SLC12A7: variants seen among roughly 807,000 people sequenced by gnomAD.
SLC12A7 encodes K-Cl cotransporter 4.
Under a neutral mutation model 120.6 loss-of-function variants are expected in SLC12A7, and 100 were observed. The observed-to-expected ratio is 0.83, with a 90% CI of 0.71 to 0.98. SLC12A7 has a LOEUF of 0.98. Ranked by LOEUF, SLC12A7 falls within the 50% of genes least tolerant of loss-of-function variation. The pLI, the probability that SLC12A7 is intolerant of heterozygous loss-of-function variation, is 0.00. For synonymous variants in SLC12A7, 760 were observed against 678.0 expected, an observed-to-expected ratio of 1.12 and a Z score of -1.88; for missense variants, 1,373 against 1,548.1, an observed-to-expected ratio of 0.89 and a Z score of 1.90.
At chr5:1,113,724 A>G (rs568114013), upstream of SLC12A7, among the ~76,000 whole-genome samples, 1 of 152,264 alleles carries the variant, frequency 6.6e-6, no homozygotes, top group Admixed American at 6.5e-5. Flanking sequence ...CATCCTTATG[A>G]GGAGGGCTGG....
rs540353749 is a variant in SLC12A7, at chr5:1,062,246, CT to C, written c.2739+1597del. Among the ~76,000 whole-genome samples the C allele has an allele frequency of 2.9e-3, 447 of 152,352 alleles. 2 individuals carry two copies. The highest frequency in any genetic ancestry group is 9.7e-3 in the African/African-American group (404 of 41,578). ...CCCAGTGGCCGCCCCACCTGGCCCC[CT>C]GGCAGGGCTGGTTCTCCCAGGCAGC... On this transcript the variant is annotated intron_variant, in intron 20 of 23. Coordinates refer to ENST00000264930, the MANE Select transcript of SLC12A7 (RefSeq NM_006598.3).
chr5:1,136,541 T>C, the SLC12A7 span, among the ~76,000 whole-genome samples: 179 of 111,812 alleles, frequency 1.6e-3, 12 homozygotes, highest in African/African-American at 6.7e-3. Context: ...CAGGCACACG[T>C]GTGCTCAGAC....
chr5:1,057,226 G>A (rs991438200), intron 22 of SLC12A7: 2 of 480,260 alleles, frequency 4.2e-6, no homozygotes, highest in African/African-American at 4.0e-5. Flanking sequence ...GTCTTACAAG[G>A]ACTCCCGGCC....
At chr5:1,143,377 C>G in the SLC12A7 span, among the ~76,000 whole-genome samples, 1 of 152,218 alleles carries the variant, frequency 6.6e-6, no homozygotes, top group Non-Finnish European at 1.5e-5. Flanking sequence ...TGGGCGGTTT[C>G]TCCCAAGGCC....
intron 2 of SLC12A7, 151 bp from the exon 3 acceptor site, chr5:1,093,806 G>A: frequency 8.0e-7 from 1 of 1,248,648 alleles, no homozygotes; most frequent in South Asian, 1.5e-5. Context: ...ACACCTGTGT[G>A]GCAGGTCTGA....
Position 1,107,405 on chromosome 5 carries a change from C to T in SLC12A7, c.124+4463G>A, listed in dbSNP as rs564238243. 2.8e-4 allele frequency among the ~76,000 whole-genome samples: 43 copies of T among 152,328 alleles called. 1 individual carries two copies. The South Asian group carries it at 8.1e-3, about 29-fold the overall frequency. On this transcript the variant is annotated intron_variant, in intron 1 of 23. Coordinates refer to ENST00000264930, the MANE Select transcript of SLC12A7 (RefSeq NM_006598.3). The stretch of plus-strand genomic sequence containing the variant: ...GGGAGCTGTGTAGGACGTGGCCCCA[C>T]GTCCAAAGGGCAGAGGCCCTGACAG...
chr5:1,124,583 G>C, the SLC12A7 span, among the ~76,000 whole-genome samples: 19 of 152,214 alleles, frequency 1.2e-4, no homozygotes, highest in African/African-American at 4.1e-4. Context: ...AGAGCTCAGA[G>C]AACACGGACT....
chr5:1,153,567 G>A, the SLC12A7 span, among the ~76,000 whole-genome samples: 4 of 152,304 alleles, frequency 2.6e-5, no homozygotes, highest in African/African-American at 9.6e-5. Flanking sequence ...CCATGCCTGG[G>A]GTGCTGGCCC....
chr5:1,057,200 A>G (rs1735712124), intron 22 of SLC12A7: 1 of 445,808 alleles, frequency 2.2e-6, no homozygotes, highest in Admixed American at 4.0e-5. Flanking sequence ...AGGACCCCTC[A>G]GCACTTGGCA....
At chr5:1,097,180 C>T (rs1017977805) in intron 1 of SLC12A7, among the ~76,000 whole-genome samples, 3 of 152,192 alleles carry the variant, frequency 2.0e-5, no homozygotes, top group Non-Finnish European at 2.9e-5. Context: ...ACTATGTCTG[C>T]GTTCAGCAAG....
intron 10 of SLC12A7, among the ~76,000 whole-genome samples, chr5:1,079,122 G>A (rs780094645): frequency 6.6e-5 from 10 of 152,156 alleles, no homozygotes; most frequent in East Asian, 3.9e-4. Context: ...CCAGCCTGCC[G>A]GCGGCACACC....
upstream of SLC12A7, among the ~76,000 whole-genome samples, chr5:1,116,500 C>T (rs376015149): frequency 4.6e-5 from 7 of 152,326 alleles, 1 homozygote; most frequent in East Asian, 3.9e-4. Flanking sequence ...GTGTCTGAGA[C>T]TGTAAGTGAC....
rs144362197 is a variant in SLC12A7 at position 1,088,319 on chromosome 5, G to A, written c.531C>T (p.Asn177=). ...GGCACCCCTTACCTGGGACCACACC[G>A]TTGGTAGCGATCGCACTCATGGAAA... ...TAISMSAIAT[N]GVVPAGGSYY... Residue 177 remains asparagine, a synonymous_variant, in exon 5 of 24, where the codon AAC becomes AAT. Coordinates refer to ENST00000264930, the MANE Select transcript of SLC12A7 (RefSeq NM_006598.3). The A allele has an allele frequency of 1.2e-4, 188 of 1,586,670 alleles. No homozygotes were observed. The highest frequency in any genetic ancestry group is 1.5e-4 in the Non-Finnish European group (175 of 1,167,230).
the SLC12A7 span, among the ~76,000 whole-genome samples, chr5:1,119,513 T>C: frequency 6.6e-6 from 1 of 152,254 alleles, no homozygotes; most frequent in African/African-American, 2.4e-5. Flanking sequence ...GGCTGCACCA[T>C]GACCCCCTCC....
chr5:1,123,399 C>T, the SLC12A7 span, among the ~76,000 whole-genome samples: 1 of 152,142 alleles, frequency 6.6e-6, no homozygotes. Context: ...CAAGCACAGC[C>T]CTGCCAGGTA....
intron 17 of SLC12A7, among the ~76,000 whole-genome samples, chr5:1,069,073 C>T (rs1561050281): frequency 6.6e-6 from 1 of 152,260 alleles, no homozygotes; most frequent in Non-Finnish European, 1.5e-5. Flanking sequence ...TCCACGGGTT[C>T]ACAGTCAATA....
At chr5:1,086,670 C>T (rs544828517) in intron 6 of SLC12A7, among the ~76,000 whole-genome samples, 3 of 152,362 alleles carry the variant, frequency 2.0e-5, no homozygotes, top group Admixed American at 6.5e-5. Flanking sequence ...TCATGCCAGG[C>T]ACGCCTCACG....
chr5:1,112,311 C>T (rs1175102805), upstream of SLC12A7, among the ~76,000 whole-genome samples: 3 of 110,036 alleles, frequency 2.7e-5, no homozygotes, highest in African/African-American at 3.9e-5. Flanking sequence ...CAGCCCCCTG[C>T]CCCTCCTGCT....
chr5:1,099,793 C>T (rs1225396449), intron 1 of SLC12A7, among the ~76,000 whole-genome samples: 1 of 152,194 alleles, frequency 6.6e-6, no homozygotes, highest in Non-Finnish European at 1.5e-5. Flanking sequence ...CTCCCCAAAA[C>T]CAAGTGCAGC....
Sources: allele counts gnomAD v4.1 joint callset (sites outside exome capture counted in the v4.1 genomes callset), GRCh38; gene constraint gnomAD v4.1.1; transcripts MANE v1.5; gene names NCBI Gene and HGNC (gene_info 2026-07-23, HGNC 2026-07-21).